The following IGF2BP2 variants were observed in gnomAD, a reference collection of about 807,000 sequenced individuals.
The protein encoded by IGF2BP2 is insulin-like growth factor 2 mRNA-binding protein 2.
IGF2BP2 carries 17 observed loss-of-function variants against 75.8 expected under a neutral mutation model. That is an observed-to-expected ratio of 0.22 (90% CI 0.15 to 0.34). IGF2BP2 has a LOEUF of 0.34. Ranked by LOEUF, IGF2BP2 falls within the 10% of genes least tolerant of loss-of-function variation. The pLI, the probability that IGF2BP2 is intolerant of heterozygous loss-of-function variation, is 1.00. For missense variants in IGF2BP2, 516 were observed against 772.4 expected (o/e 0.67, Z 3.93); for synonymous variants, 288 against 295.6 (o/e 0.97, Z 0.26).
intron 2 of IGF2BP2, among the ~76,000 whole-genome samples, chr3:185,759,152 T>C (rs1384694545): frequency 1.3e-5 from 2 of 152,178 alleles, no homozygotes; most frequent in Non-Finnish European, 2.9e-5. Flanking sequence ...GGGATACCAA[T>C]GCAATACATG....
intron 2 of IGF2BP2, among the ~76,000 whole-genome samples, chr3:185,797,904 A>C: frequency 6.7e-6 from 1 of 150,374 alleles, no homozygotes; most frequent in Non-Finnish European, 1.5e-5. Flanking sequence ...TCTTAAAAAA[A>C]AAAAAAAAAA....
intron 1 of IGF2BP2, 35 bp downstream of exon 1, chr3:185,824,748 C>G: frequency 1.6e-6 from 2 of 1,273,624 alleles, no homozygotes; most frequent in Non-Finnish European, 2.0e-6. Context: ...CTGAGCGGGG[C>G]GAGGCGGGGG....
chr3:185,810,946 G>T (rs1312376480), intron 2 of IGF2BP2, among the ~76,000 whole-genome samples: 1 of 152,046 alleles, frequency 6.6e-6, no homozygotes, highest in Non-Finnish European at 1.5e-5. Context: ...GTATAATTTA[G>T]ATTGATGTGG....
Position 185,645,662 on chromosome 3 carries a change from A to C in IGF2BP2, c.1708-39T>G, listed in dbSNP as rs987218411. The C allele has an allele frequency of 1.3e-6, 2 of 1,516,262 alleles. No individual in the cohort carries two copies. The highest frequency in any genetic ancestry group is 1.1e-5 in the South Asian group (1 of 88,930). The allele number at this position is 1,516,262 out of a possible 1,614,324, so 93.9% of individuals were successfully genotyped here. A position where few individuals can be genotyped will look rare whatever the true frequency, so the allele number is the denominator to read the frequency against. On this transcript the variant is annotated intron_variant, in intron 15 of 15. Transcript: ENST00000382199. The surrounding 1 kb of genome is among the most constrained non-coding windows in gnomAD (Gnocchi z 4.9). ...GAGAAGGGAGAGGAAGGGACAGGGG[A>C]AAAAAGGAACCCAGTTCTGAGGACA...
At chr3:185,743,170 CA>C (rs1293800355) in intron 2 of IGF2BP2, among the ~76,000 whole-genome samples, 3 of 136,282 alleles carry the variant, frequency 2.2e-5, no homozygotes, top group Non-Finnish European at 4.7e-5. Context: ...CTAATAATTA[CA>C]TTTTTTTTTT....
chr3:185,671,611 C>T (rs1365461915), intron 10 of IGF2BP2, among the ~76,000 whole-genome samples: 1 of 151,572 alleles, frequency 6.6e-6, no homozygotes, highest in East Asian at 1.9e-4. Context: ...AGAATGTGTG[C>T]ATATATGTGA....
At position 185,731,923 on chromosome 3, in the gene IGF2BP2, A is replaced by G. The variant is rs539443417; in HGVS notation, c.240-33576T>C. ...CGTGAATCCGGGAGGCAGAGTTTGC[A>G]GTGAGCTGAGATCATGCCACTGCAC... On this transcript the variant is annotated intron_variant, in intron 2 of 15. Transcript: ENST00000382199. Among the ~76,000 whole-genome samples, 51 of 152,066 alleles carry G rather than the reference A, an allele frequency of 3.4e-4. 1 individual carries two copies. Among genetic ancestry groups the G allele is most frequent in the African/African-American group, 1.2e-3 (49 of 41,476 alleles).
chr3:185,722,952 C>T (rs1200721013), intron 2 of IGF2BP2, among the ~76,000 whole-genome samples: 1 of 152,098 alleles, frequency 6.6e-6, no homozygotes, highest in African/African-American at 2.4e-5. Flanking sequence ...ATAGAGAAAA[C>T]TCTTGGCCAT....
chr3:185,676,218 A>G (rs1474635549), intron 7 of IGF2BP2, among the ~76,000 whole-genome samples: 1 of 152,184 alleles, frequency 6.6e-6, no homozygotes, highest in Non-Finnish European at 1.5e-5. Flanking sequence ...TGCTCTTAAA[A>G]AAAGGTACAA....
chr3:185,754,358 G>A (rs564660773), intron 2 of IGF2BP2, among the ~76,000 whole-genome samples: 12 of 152,098 alleles, frequency 7.9e-5, no homozygotes, highest in East Asian at 1.9e-4. Flanking sequence ...CAAGCACCAC[G>A]ATTTCTGTAC....
chr3:185,776,541 G>C (rs914346765), intron 2 of IGF2BP2, among the ~76,000 whole-genome samples: 6 of 152,186 alleles, frequency 3.9e-5, no homozygotes, highest in Non-Finnish European at 5.9e-5. Flanking sequence ...AACGTGTTGA[G>C]TTGAGGGACT....
chr3:185,800,741 A>AGAAAGAAAGAAAGAAAGAAAGAAC (rs1553893969), intron 2 of IGF2BP2, among the ~76,000 whole-genome samples: 9 of 151,694 alleles, frequency 5.9e-5, no homozygotes, highest in African/African-American at 1.9e-4. Flanking sequence ...AAAGAAAGAA[A>AGAAAGAAAGAAAGAAAGAAAGAAC]GTACTTGCTG....
At chr3:185,679,461 AG>A in intron 7 of IGF2BP2, among the ~76,000 whole-genome samples, 1 of 152,258 alleles carries the variant, frequency 6.6e-6, no homozygotes. Flanking sequence ...AGTTAAAAAA[AG>A]TTTTTGTCAT....
intron 7 of IGF2BP2, among the ~76,000 whole-genome samples, chr3:185,679,768 C>T (rs7643056): frequency 0.015 from 2,279 of 152,196 alleles, 42 homozygotes; most frequent in African/African-American, 0.051. Context: ...AGGTGTGTGC[C>T]ACCACACCCG....
chr3:185,682,854 T>C (rs1720587305), intron 7 of IGF2BP2, among the ~76,000 whole-genome samples: 1 of 152,116 alleles, frequency 6.6e-6, no homozygotes, highest in African/African-American at 2.4e-5. Flanking sequence ...GGTTGGAAAA[T>C]GGAGCAACTG....
intron 2 of IGF2BP2, among the ~76,000 whole-genome samples, chr3:185,807,025 G>C (rs1739114703): frequency 6.6e-6 from 1 of 152,074 alleles, no homozygotes; most frequent in African/African-American, 2.4e-5. Flanking sequence ...GCTAACCACA[G>C]TATGGCACAA....
At chr3:185,823,297 G>A in intron 1 of IGF2BP2, 84 bp from the exon 2 acceptor site, 2 of 1,073,902 alleles carry the variant, frequency 1.9e-6, no homozygotes, top group Non-Finnish European at 2.7e-6. Context: ...GGAACTCCAC[G>A]CTCGGGCTCC....
At chr3:185,671,591 G>C (rs1718523930) in intron 10 of IGF2BP2, among the ~76,000 whole-genome samples, 1 of 151,070 alleles carries the variant, frequency 6.6e-6, no homozygotes, top group Admixed American at 6.6e-5. Context: ...CCATATATAA[G>C]CAAGAATGCA....
At chr3:185,763,818 C>A (rs1287299735) in intron 2 of IGF2BP2, among the ~76,000 whole-genome samples, 2 of 151,920 alleles carry the variant, frequency 1.3e-5, no homozygotes, top group Non-Finnish European at 2.9e-5. Flanking sequence ...TTTTTTAAGT[C>A]TTTTACAGGA....
Sources: gnomAD v4.1 joint callset for allele counts (sites outside exome capture counted in the v4.1 genomes callset) on GRCh38, gnomAD v4.1.1 for gene constraint, Gnocchi (gnomAD v3.1) non-coding constraint, MANE v1.5 for transcripts, NCBI Gene and HGNC (gene_info 2026-07-23, HGNC 2026-07-21) for gene names.